CDKAL1: variants seen among roughly 807,000 people sequenced by gnomAD.
CDKAL1 encodes the protein CDKAL1 threonylcarbamoyladenosine tRNA methylthiotransferase, also known as threonylcarbamoyladenosine tRNA methylthiotransferase.
CDKAL1 carries 32 observed loss-of-function variants against 68.2 expected under a neutral mutation model. That is an observed-to-expected ratio of 0.47 (90% CI 0.35 to 0.63). CDKAL1 has a LOEUF of 0.63. CDKAL1 is among the 30% of genes least tolerant of loss of function. The probability of loss-of-function intolerance (pLI) is 0.00; values close to 1 mark genes in which losing one functional copy is unlikely to be tolerated. For synonymous variants in CDKAL1, 234 were observed against 244.3 expected (o/e 0.96, Z 0.39); for missense variants, 606 against 696.7 (o/e 0.87, Z 1.47).
intron 8 of CDKAL1, among the ~76,000 whole-genome samples, chr6:20,783,396 T>G (rs1461688585): frequency 6.6e-6 from 1 of 152,176 alleles, no homozygotes; most frequent in East Asian, 1.9e-4. Flanking sequence ...TGTCTGTTTT[T>G]AACTGTTTAT....
intron 8 of CDKAL1, among the ~76,000 whole-genome samples, chr6:20,826,450 GAGA>G (rs1384912946): frequency 3.9e-5 from 6 of 152,148 alleles, no homozygotes; most frequent in African/African-American, 1.4e-4. Context: ...GTGTACTTCA[GAGA>G]AGGTCAAGTT....
intron 4 of CDKAL1, among the ~76,000 whole-genome samples, chr6:20,605,424 A>G (rs1766291004): frequency 6.6e-6 from 1 of 152,148 alleles, no homozygotes; most frequent in African/African-American, 2.4e-5. Flanking sequence ...TTAATGATTT[A>G]TCTATTCTAA....
At chr6:20,970,746 T>G (rs1765552469) in intron 10 of CDKAL1, among the ~76,000 whole-genome samples, 1 of 152,230 alleles carries the variant, frequency 6.6e-6, no homozygotes, top group Non-Finnish European at 1.5e-5. Flanking sequence ...AAATGTATAC[T>G]TCTTTAGATA....
chr6:20,863,467 GT>G (rs70990076), intron 9 of CDKAL1, among the ~76,000 whole-genome samples: 42,544 of 152,072 alleles, frequency 0.28, 7,276 homozygotes, highest in East Asian at 0.37. Flanking sequence ...TTCAATAAAT[GT>G]TTTTTGAATG....
intron 11 of CDKAL1, among the ~76,000 whole-genome samples, chr6:21,028,956 G>T (rs1349205321): frequency 6.6e-6 from 1 of 152,048 alleles, no homozygotes; most frequent in Non-Finnish European, 1.5e-5. Context: ...AAGTCACCAG[G>T]CATTAAAATT....
At chr6:20,565,214 C>G (rs1013626484) in intron 4 of CDKAL1, among the ~76,000 whole-genome samples, 1 of 151,998 alleles carries the variant, frequency 6.6e-6, no homozygotes, top group African/African-American at 2.4e-5. Context: ...CAAGACAGTT[C>G]CATTACTATT....
At chr6:20,595,286 C>G (rs528864671) in intron 4 of CDKAL1, among the ~76,000 whole-genome samples, 1 of 152,240 alleles carries the variant, frequency 6.6e-6, no homozygotes, top group East Asian at 1.9e-4. Flanking sequence ...GTTCCATTCT[C>G]CCCATCACTT....
intron 9 of CDKAL1, among the ~76,000 whole-genome samples, chr6:20,927,316 A>G (rs1054461820): frequency 2.0e-5 from 3 of 152,284 alleles, no homozygotes; most frequent in African/African-American, 7.2e-5. Flanking sequence ...AAAGTTCACA[A>G]TGTCTGATAA....
chr6:20,817,327 T>TATTTTGTTTA (rs1777088467), intron 8 of CDKAL1, among the ~76,000 whole-genome samples: 1 of 152,204 alleles, frequency 6.6e-6, no homozygotes, highest in African/African-American at 2.4e-5. Context: ...TTGCTTATTT[T>TATTTTGTTTA]CTTTTGTTTA....
intron 13 of CDKAL1, among the ~76,000 whole-genome samples, chr6:21,113,759 G>A (rs957438190): frequency 2.0e-5 from 3 of 151,082 alleles, no homozygotes; most frequent in East Asian, 2.1e-4. Flanking sequence ...ATGAGCCACC[G>A]TGCCTGGCCA....
At chr6:20,728,613 T>C (rs1434843787) in intron 5 of CDKAL1, among the ~76,000 whole-genome samples, 1 of 152,206 alleles carries the variant, frequency 6.6e-6, no homozygotes, top group East Asian at 1.9e-4. Context: ...GTAATGACAC[T>C]GTCTTTACTT....
At chr6:20,653,094 T>A (rs1260302050) in intron 5 of CDKAL1, among the ~76,000 whole-genome samples, 2 of 152,210 alleles carry the variant, frequency 1.3e-5, no homozygotes, top group Non-Finnish European at 2.9e-5. Context: ...TTCATAGAAT[T>A]TGCTACAATT....
chr6:20,729,187 G>C (rs1439647408), intron 5 of CDKAL1, among the ~76,000 whole-genome samples: 1 of 152,098 alleles, frequency 6.6e-6, no homozygotes, highest in African/African-American at 2.4e-5. Context: ...GTTACATAAA[G>C]CAAGTTAGGC....
intron 13 of CDKAL1, among the ~76,000 whole-genome samples, chr6:21,174,533 A>G (rs181572005): frequency 1.3e-3 from 201 of 152,322 alleles, no homozygotes; most frequent in African/African-American, 4.6e-3. Flanking sequence ...TTCCCTCTCA[A>G]TAGCAATTAA....
At chr6:20,896,675 G>A (rs940746905) in intron 9 of CDKAL1, among the ~76,000 whole-genome samples, 3 of 152,068 alleles carry the variant, frequency 2.0e-5, no homozygotes, top group African/African-American at 7.2e-5. Context: ...TCAAATTAAT[G>A]TGGTTCATTC....
chr6:20,836,095 G>A (rs1777928265), intron 8 of CDKAL1, among the ~76,000 whole-genome samples: 2 of 152,106 alleles, frequency 1.3e-5, no homozygotes, highest in South Asian at 2.1e-4. Flanking sequence ...AAAAAGGAAA[G>A]CAGGAGTGTA....
intron 4 of CDKAL1, among the ~76,000 whole-genome samples, chr6:20,648,074 CAA>C (rs761320010): frequency 3.5e-5 from 3 of 84,964 alleles, no homozygotes; most frequent in Non-Finnish European, 7.4e-5. Flanking sequence ...GACTCTGTCT[CAA>C]AAAAAAAAAA....
chr6:21,161,376 G>A (rs549987294), intron 13 of CDKAL1, among the ~76,000 whole-genome samples: 59 of 152,238 alleles, frequency 3.9e-4, no homozygotes, highest in Middle Eastern at 3.4e-3. Context: ...AATTATTTAT[G>A]CTATAGAAAA....
intron 11 of CDKAL1, among the ~76,000 whole-genome samples, chr6:21,014,428 C>T (rs938100601): frequency 6.6e-6 from 1 of 152,012 alleles, no homozygotes; most frequent in Non-Finnish European, 1.5e-5. Flanking sequence ...ATGGTGAACC[C>T]TGTCTCTACT....
Sources: gnomAD v4.1 joint callset for allele counts (sites outside exome capture counted in the v4.1 genomes callset) on GRCh38, gnomAD v4.1.1 for gene constraint, MANE v1.5 for transcripts, NCBI Gene and HGNC (gene_info 2026-07-23, HGNC 2026-07-21) for gene names.